Variants in MGA observed in about 807,000 individuals in gnomAD.
MGA encodes the protein MAX gene-associated protein.
MGA carries 40 observed loss-of-function variants against 261.1 expected under a neutral mutation model. That is an observed-to-expected ratio of 0.15 (90% confidence interval 0.12 to 0.20). MGA has a LOEUF of 0.20. MGA is among the 10% of genes least tolerant of loss of function. MGA has a pLI of 1.00. For synonymous variants in MGA, 1,302 were observed against 1,290.6 expected (o/e 1.01, Z -0.19); for missense variants, 3,397 against 3,630.5 (o/e 0.94, Z 1.65).
intron 10 of MGA, among the ~76,000 whole-genome samples, chr15:41,728,306 G>A (rs2061349980): frequency 6.6e-6 from 1 of 152,124 alleles, no homozygotes; most frequent in South Asian, 2.1e-4. Flanking sequence ...ATTCCAGCCT[G>A]GATGACAGAG....
rs2062185296 is a variant in MGA at position 41,742,664 on chromosome 15, C to T, written c.4704C>T (p.Phe1568=). ...AAACCCTGGCAGGGACACAGAAGTT[C>T]AGTATCAGACCTTCTCCAGTAATGG... The change falls in exon 15 of 24, where the codon TTC becomes TTT. Residue 1568 remains phenylalanine (F), a synonymous_variant. Transcript: ENST00000219905. 6.2e-7 allele frequency: 1 copy of T among 1,613,972 alleles called. No individual in the cohort carries two copies. The highest frequency in any genetic ancestry group is 8.5e-7 in the Non-Finnish European group (1 of 1,179,880).
chr15:41,759,727 G>A (rs528911103), intron 19 of MGA, among the ~76,000 whole-genome samples: 1 of 152,308 alleles, frequency 6.6e-6, no homozygotes, highest in South Asian at 2.1e-4. Context: ...CAGAGTTTGA[G>A]TTTTAAGTGT....
At chr15:41,679,757 A>AT (rs1566967390) in intron 2 of MGA, among the ~76,000 whole-genome samples, 1 of 151,716 alleles carries the variant, frequency 6.6e-6, no homozygotes, top group African/African-American at 2.4e-5. Flanking sequence ...TTTTGTGTGT[A>AT]TATGTGGGTT....
At chr15:41,682,334 T>C (rs1457254368) in intron 2 of MGA, among the ~76,000 whole-genome samples, 2 of 152,182 alleles carry the variant, frequency 1.3e-5, no homozygotes. Context: ...GTACCTCCTC[T>C]GCATACTTCT....
At chr15:41,686,659 T>C (rs1044859375) in intron 2 of MGA, among the ~76,000 whole-genome samples, 3 of 152,224 alleles carry the variant, frequency 2.0e-5, no homozygotes, top group Non-Finnish European at 4.4e-5. Context: ...ACTTTCCTAC[T>C]GTTACCCATT....
rs766459975 is a variant in MGA at position 41,669,556 on chromosome 15, C to G, written c.662C>G (p.Pro221Arg). 6.2e-7 allele frequency: 1 copy of G among 1,614,012 alleles called. No individual in the cohort carries two copies. The highest frequency in any genetic ancestry group is 1.1e-5 in the South Asian group (1 of 91,090). The change falls in exon 2 of 24, where the codon CCT becomes CGT. Residue 221 changes from proline (P) to arginine (R), a missense_variant. By Grantham distance (103) the Pro-to-Arg change is moderately radical. Transcript: ENST00000219905. The stretch of plus-strand genomic sequence containing the variant: ...GTGGAGGTGATACAATTAAATGGCC[C>G]TGGTGTCCACACTTTTACCTTCCCA...
At chr15:41,648,269 G>A (rs2056973677) in intron 1 of MGA, among the ~76,000 whole-genome samples, 1 of 152,212 alleles carries the variant, frequency 6.6e-6, no homozygotes, top group South Asian at 2.1e-4. Flanking sequence ...CTGGGTTCAA[G>A]TTTTGACTCC....
intron 1 of MGA, among the ~76,000 whole-genome samples, chr15:41,647,271 C>T (rs1224579005): frequency 6.6e-6 from 1 of 152,154 alleles, no homozygotes. Context: ...GATCAGAGCC[C>T]CACTTCTCTA....
chr15:41,723,181 T>G (rs950031023), intron 9 of MGA, among the ~76,000 whole-genome samples: 1 of 152,220 alleles, frequency 6.6e-6, no homozygotes, highest in African/African-American at 2.4e-5. Flanking sequence ...TCTTTTTTTT[T>G]CCTGAGTTTC....
intron 11 of MGA, among the ~76,000 whole-genome samples, chr15:41,730,445 A>T (rs2061451910): frequency 7.3e-6 from 1 of 137,134 alleles, no homozygotes; most frequent in South Asian, 2.5e-4. Flanking sequence ...GTCTCAAAAG[A>T]AAAAAAAAAA....
chr15:41,638,559 G>A (rs2056755884), intron 1 of MGA, among the ~76,000 whole-genome samples: 2 of 151,800 alleles, frequency 1.3e-5, no homozygotes, highest in South Asian at 4.2e-4. Context: ...TGTAGACGGG[G>A]TCTTCCTATG....
chr15:41,647,825 A>G (rs2056964799), intron 1 of MGA, among the ~76,000 whole-genome samples: 1 of 152,146 alleles, frequency 6.6e-6, no homozygotes, highest in African/African-American at 2.4e-5. Context: ...GGGGGATTAC[A>G]TACTCCCCTA....
chr15:41,766,524 A>G lies in MGA; in HGVS notation c.8442A>G (p.Glu2814=). Residue 2814 remains glutamate, a synonymous_variant, in exon 24 of 24, where the codon GAA becomes GAG. Coordinates refer to ENST00000219905, the MANE Select transcript of MGA (RefSeq NM_001164273.2). Reference sequence around the variant, plus strand: ...CCAGTGAACTGCTGACTAACATGGAAGATGAGGATGATACTGATGAGACAC... The same window carrying G: ...CCAGTGAACTGCTGACTAACATGGAGGATGAGGATGATACTGATGAGACAC... The G allele has an allele frequency of 6.2e-7, 1 of 1,613,996 alleles. No individual in the cohort carries two copies.
At chr15:41,744,285 C>T (rs569372117) in intron 15 of MGA, among the ~76,000 whole-genome samples, 2 of 152,170 alleles carry the variant, frequency 1.3e-5, no homozygotes, top group South Asian at 4.2e-4. Flanking sequence ...CTCACTGCAA[C>T]CTCTGCCTCC....
intron 13 of MGA, among the ~76,000 whole-genome samples, chr15:41,737,957 G>A (rs376659587): frequency 2.0e-5 from 3 of 151,816 alleles, no homozygotes; most frequent in East Asian, 3.9e-4. Flanking sequence ...TCCAGCTTGG[G>A]CAACAGAGGG....
intron 19 of MGA, among the ~76,000 whole-genome samples, chr15:41,758,581 T>C (rs1327995410): frequency 7.9e-5 from 12 of 152,172 alleles, no homozygotes; most frequent in Admixed American, 7.9e-4. Context: ...TTTTCAGATA[T>C]AACAAGAATT....
In MGA at chr15:41,767,286, C is replaced by T; in HGVS notation, c.*6C>T. On this transcript the variant is annotated 3_prime_UTR_variant, in exon 24 of 24. Coordinates refer to ENST00000219905, the MANE Select transcript of MGA (RefSeq NM_001164273.2). ...CAAGTTCTGCAGGGAAATGAACTTA[C>T]TTGTCCTTAAGCAGAAGCCAGGCTG... 1.2e-6 allele frequency: 2 copies of T among 1,600,088 alleles called. No homozygotes were observed. The highest frequency in any genetic ancestry group is 1.3e-5 in the African/African-American group (1 of 74,808).
In MGA at chr15:41,669,533, G is replaced by C. The variant is rs770302188; in HGVS notation, c.639G>C (p.Val213=). ...ATTTGGTGCCTGCAGAAAAGGCTGT[G>C]GAGGTGATACAATTAAATGGCCCTG... Residue 213 remains valine (V), a synonymous_variant, in exon 2 of 24, where the codon GTG becomes GTC. Transcript: ENST00000219905. 2.5e-6 allele frequency: 4 copies of C among 1,613,890 alleles called. No homozygotes were observed. In the Admixed American group the frequency reaches 6.7e-5, roughly 27 times the overall value.
At chr15:41,687,345 A>C (rs1023132837) in intron 2 of MGA, among the ~76,000 whole-genome samples, 1 of 152,110 alleles carries the variant, frequency 6.6e-6, no homozygotes, top group African/African-American at 2.4e-5. Context: ...TTAAAGTTCA[A>C]ATTTCAGTGT....
Sources: gnomAD v4.1 joint callset for allele counts (sites outside exome capture counted in the v4.1 genomes callset) on GRCh38, gnomAD v4.1.1 for gene constraint, MANE v1.5 for transcripts, NCBI Gene and HGNC (gene_info 2026-07-23, HGNC 2026-07-21) for gene names.